The following NPHP4 variants were observed in gnomAD, a reference collection of about 807,000 sequenced individuals.
NPHP4 encodes the protein nephrocystin 4, also known as nephrocystin-4.
Under a neutral mutation model 155.8 loss-of-function variants are expected in NPHP4, and 151 were observed. The observed-to-expected ratio is 0.97, with a 90% CI of 0.85 to 1.11. The LOEUF is 1.11. Ranked by LOEUF, NPHP4 falls within the 50% of genes least tolerant of loss-of-function variation. The probability of loss-of-function intolerance (pLI) is 0.00; values close to 1 mark genes in which losing one functional copy is unlikely to be tolerated. For missense variants in NPHP4, 1,956 were observed against 1,925.7 expected (o/e 1.02, Z -0.29); for synonymous variants, 845 against 816.8 (o/e 1.03, Z -0.59).
chr1:5,890,819 C>A lies in NPHP4; in HGVS notation c.2304+49G>T. ...CAGACGCTGGAAGCGTGACTCGTCC[C>A]ATGAGGGACGCAGCACCCACTGTGC... On this transcript the variant is annotated intron_variant, in intron 17 of 29. Coordinates refer to ENST00000378156, the MANE Select transcript of NPHP4 (RefSeq NM_015102.5). This position sits in a 1 kb window ranked among gnomAD's most constrained non-coding sequence, Gnocchi z 4.9. The A allele has an allele frequency of 1.9e-6, 3 of 1,565,192 alleles. No individual in the cohort carries two copies. Among genetic ancestry groups the A allele is most frequent in the South Asian group, 1.1e-5 (1 of 87,264 alleles).
chr1:5,978,505 T>C, intron 2 of NPHP4, 92 bp from the exon 3 acceptor site: 1 of 1,217,966 alleles, frequency 8.2e-7, no homozygotes, highest in Admixed American at 2.0e-5. Context: ...TGGGGCCACC[T>C]CGCTCAGATA....
chr1:5,936,840 G>T (rs548658008), intron 9 of NPHP4, among the ~76,000 whole-genome samples: 17 of 152,306 alleles, frequency 1.1e-4, no homozygotes, highest in African/African-American at 3.4e-4. Context: ...CTGTGGCTTT[G>T]TTGGAAACAA....
At chr1:5,918,947 T>C (rs1305451039) in intron 11 of NPHP4, among the ~76,000 whole-genome samples, 1 of 152,184 alleles carries the variant, frequency 6.6e-6, no homozygotes, top group Non-Finnish European at 1.5e-5. Flanking sequence ...CAGAAAAAAA[T>C]GGGCAGCTTC....
chr1:5,964,941 A>ATT (rs55734317), intron 5 of NPHP4, among the ~76,000 whole-genome samples: 2,076 of 59,330 alleles, frequency 0.035, 179 homozygotes, highest in Middle Eastern at 0.051. Flanking sequence ...ATATATATAT[A>ATT]TTTTTTTTTT....
intron 1 of NPHP4, 45 bp from the exon 2 acceptor site, chr1:5,986,372 C>T: frequency 2.7e-6 from 4 of 1,494,618 alleles, no homozygotes; most frequent in Non-Finnish European, 3.7e-6. Context: ...GTGAGGGCTA[C>T]AGTGGTCACA....
intron 23 of NPHP4, among the ~76,000 whole-genome samples, chr1:5,872,922 G>C (rs542723372): frequency 1.3e-5 from 2 of 152,320 alleles, no homozygotes; most frequent in African/African-American, 2.4e-5. Context: ...TCACACACCA[G>C]GGAATGCTCT....
In NPHP4 at chr1:5,901,610, G is replaced by C. The variant is rs527802435; in HGVS notation, c.2143+3007C>G. Among the ~76,000 whole-genome samples the C allele has an allele frequency of 1.3e-4, 20 of 152,330 alleles. No individual in the cohort carries two copies. The South Asian group carries it at 3.9e-3, about 30-fold the overall frequency. ...TCTCTGGGAAATTCATCATGGAAAG[G>C]GGTTTATATTCAAGTCAGGAGCATC... On this transcript the variant is annotated intron_variant, in intron 16 of 29. Transcript: ENST00000378156.
At chr1:5,863,557 CG>C (rs1175444088) in intron 29 of NPHP4, 152 bp from the exon 30 acceptor site, 7 of 841,896 alleles carry the variant, frequency 8.3e-6, no homozygotes, top group Admixed American at 2.2e-5. Context: ...TTGACTTCAG[CG>C]CCCGGTACAA....
In NPHP4 at chr1:5,927,664, G is replaced by C. The variant is rs1646074440; in HGVS notation, c.1426C>G (p.Pro476Ala). 2.5e-6 allele frequency: 4 copies of C among 1,611,242 alleles called. No homozygotes were observed. The highest frequency in any genetic ancestry group is 1.7e-5 in the Admixed American group (1 of 59,966). Residue 476 changes from proline (P) to alanine (A), a missense_variant, in exon 11 of 30, where the codon CCC becomes GCC. By Grantham distance (27) the Pro-to-Ala change is conservative (BLOSUM62 -1). Transcript: ENST00000378156. Reference protein sequence around the residue: ...KVERRPSRKPPTSPSSPPAPV... With the variant: ...KVERRPSRKPATSPSSPPAPV... ...AAACACTTACTCGAAGGGGACGTGG[G>C]TGGTTTCCTGGAAGGCCGCCGCTCC...
intron 11 of NPHP4, among the ~76,000 whole-genome samples, chr1:5,913,942 A>T (rs923443326): frequency 1.1e-4 from 16 of 152,178 alleles, no homozygotes; most frequent in Admixed American, 1.0e-3. Context: ...CAGAGGAAGG[A>T]GCTCTCCAGC....
chr1:5,919,899 C>T (rs1292071634), intron 11 of NPHP4, among the ~76,000 whole-genome samples: 1 of 152,064 alleles, frequency 6.6e-6, no homozygotes, highest in African/African-American at 2.4e-5. Flanking sequence ...GCTACCACAC[C>T]CAGCTACTGC....
chr1:5,959,774 T>C (rs10864292), intron 6 of NPHP4, among the ~76,000 whole-genome samples: 34,079 of 151,312 alleles, frequency 0.23, 4,833 homozygotes, highest in African/African-American at 0.4. Flanking sequence ...ATCCACCAGG[T>C]GACATCTCAC....
At chr1:5,941,966 T>A (rs1207029605) in intron 9 of NPHP4, among the ~76,000 whole-genome samples, 2 of 151,948 alleles carry the variant, frequency 1.3e-5, no homozygotes, top group Non-Finnish European at 2.9e-5. Context: ...AGGGGGACAA[T>A]CGGATGAGGA....
intron 2 of NPHP4, among the ~76,000 whole-genome samples, chr1:5,979,637 C>G (rs1484459035): frequency 6.6e-6 from 1 of 152,102 alleles, no homozygotes; most frequent in South Asian, 2.1e-4. Flanking sequence ...ATCCTCCTGC[C>G]TCATCCTGTC....
In NPHP4 at chr1:5,975,781, G is replaced by A. The variant is rs949274210; in HGVS notation, c.279+2489C>T. ...ATGCAAGTGCTGCCCAACTTCCGCC[G>A]CAACGGAAGCCCTCGGAGTGCATGA... On this transcript the variant is annotated intron_variant, in intron 3 of 29. Coordinates refer to ENST00000378156, the MANE Select transcript of NPHP4 (RefSeq NM_015102.5). 3.9e-5 allele frequency among the ~76,000 whole-genome samples: 6 copies of A among 152,224 alleles called. No individual in the cohort carries two copies. The East Asian group carries it at 5.8e-4, about 15-fold the overall frequency.
rs762272616 is a variant in NPHP4, at chr1:5,887,385, T to C, written c.2386A>G (p.Met796Val). Residue 796 changes from methionine to valine, a missense_variant, in exon 18 of 30, where the codon ATG (methionine) becomes GTG (valine). By Grantham distance (21) the Met-to-Val change is conservative (BLOSUM62 1). Transcript: ENST00000378156. ...VVATEYEQDN[M>V]VVSGDMLGFG... ...CCCAGCATGTCTCCACTCACCACCA[T>C]GTTGTCCTGCTCGTATTCAGTTGCC... The C allele has an allele frequency of 5.0e-6, 8 of 1,613,476 alleles. No homozygotes were observed. The highest frequency in any genetic ancestry group is 5.9e-6 in the Non-Finnish European group (7 of 1,179,866).
chr1:5,879,698 G>C, intron 19 of NPHP4: 1 of 481,092 alleles, frequency 2.1e-6, no homozygotes, highest in East Asian at 5.6e-5. Context: ...GGGGCATCTA[G>C]CCAGGGCACC....
At chr1:5,965,805 G>A (rs565746128) in intron 5 of NPHP4, among the ~76,000 whole-genome samples, 153 of 152,254 alleles carry the variant, frequency 1.0e-3, no homozygotes, top group African/African-American at 3.5e-3. Context: ...GATAGTCTAC[G>A]GAGGGCATGC....
intron 6 of NPHP4, 91 bp from the exon 7 acceptor site, chr1:5,952,927 C>T (rs1281201735): frequency 1.5e-5 from 19 of 1,270,488 alleles, no homozygotes; most frequent in Non-Finnish European, 1.9e-5. Flanking sequence ...CAGCCTCAGC[C>T]GGGGCCTGCA....
Sources: allele counts gnomAD v4.1 joint callset (sites outside exome capture counted in the v4.1 genomes callset), GRCh38; gene constraint gnomAD v4.1.1; non-coding constraint Gnocchi (gnomAD v3.1); transcripts MANE v1.5; gene names NCBI Gene and HGNC (gene_info 2026-07-23, HGNC 2026-07-21).